Variants in SHISA9 observed in about 807,000 individuals in gnomAD.
SHISA9 encodes the protein protein shisa-9.
In SHISA9, 13 loss-of-function variants were observed where a neutral mutation model predicts 38.0. The observed-to-expected ratio is 0.34, with a 90% CI of 0.22 to 0.54. The LOEUF is 0.54. SHISA9 is among the 20% of genes least tolerant of loss of function. SHISA9 has a pLI of 0.91. For missense variants in SHISA9, 538 were observed against 575.8 expected, an observed-to-expected ratio of 0.93 and a Z score of 0.67; for synonymous variants, 275 against 242.0, an observed-to-expected ratio of 1.14 and a Z score of -1.27.
At chr16:13,298,170 A>G in the SHISA9 span, among the ~76,000 whole-genome samples, 1 of 152,136 alleles carries the variant, frequency 6.6e-6, no homozygotes. Flanking sequence ...TCAAATACAG[A>G]GATGCTCCCT....
chr16:13,365,454 C>CTTTTT, the SHISA9 span, among the ~76,000 whole-genome samples: 51 of 112,506 alleles, frequency 4.5e-4, 1 homozygote, highest in African/African-American at 1.6e-3. Flanking sequence ...GAGTATACCT[C>CTTTTT]TTTTTTTTTT....
chr16:12,916,486 G>C (rs1444693239), intron 1 of SHISA9, among the ~76,000 whole-genome samples: 1 of 152,182 alleles, frequency 6.6e-6, no homozygotes, highest in African/African-American at 2.4e-5. Context: ...AGCATATGCA[G>C]TAGCCTGCGT....
chr16:12,933,781 T>C (rs2141746745), intron 2 of SHISA9, among the ~76,000 whole-genome samples: 1 of 152,302 alleles, frequency 6.6e-6, no homozygotes, highest in Middle Eastern at 3.4e-3. Flanking sequence ...CTTTTTCTTG[T>C]GTTATCTAGT....
At chr16:13,028,736 C>A (rs2072955592) in intron 2 of SHISA9, among the ~76,000 whole-genome samples, 1 of 152,196 alleles carries the variant, frequency 6.6e-6, no homozygotes. Context: ...TGGAGAAGAG[C>A]TTCTTCCTAT....
the SHISA9 span, among the ~76,000 whole-genome samples, chr16:13,392,395 A>C: frequency 6.6e-6 from 1 of 152,190 alleles, no homozygotes; most frequent in South Asian, 2.1e-4. Context: ...TATATTGTAC[A>C]CCTTAAATAT....
At chr16:12,978,175 T>A (rs939929782) in intron 2 of SHISA9, among the ~76,000 whole-genome samples, 1 of 152,094 alleles carries the variant, frequency 6.6e-6, no homozygotes, top group Non-Finnish European at 1.5e-5. Flanking sequence ...AATGGAAACC[T>A]GAATTTGACC....
intron 2 of SHISA9, among the ~76,000 whole-genome samples, chr16:13,083,232 C>T (rs1191668566): frequency 6.6e-6 from 1 of 152,222 alleles, no homozygotes; most frequent in Non-Finnish European, 1.5e-5. Context: ...TGGATGGCTA[C>T]TCCAACAGGA....
Position 13,238,470 on chromosome 16 carries a change from TATCTC to T in SHISA9, c.*3063_*3067del, listed in dbSNP as rs921756269. On this transcript the variant is annotated 3_prime_UTR_variant, in exon 5 of 5. Coordinates refer to ENST00000558583, the MANE Select transcript of SHISA9 (RefSeq NM_001145204.3). ...CCCCCAGTCCACTTCGTCCCACCCTTATCTCAACTCTGATTAAGAGTCTTTCTTGG... is the reference window on the plus strand; with the variant it reads ...CCCCCAGTCCACTTCGTCCCACCCTTAACTCTGATTAAGAGTCTTTCTTGG... 1.3e-5 allele frequency: 2 copies of T among 152,194 alleles called. No individual in the cohort carries two copies. The highest frequency in any genetic ancestry group is 2.4e-5 in the African/African-American group (1 of 41,430). The allele number at this position is 152,194 out of a possible 1,614,324, so 9.4% of individuals were successfully genotyped here. A position where few individuals can be genotyped will look rare whatever the true frequency, so the allele number is the denominator to read the frequency against.
chr16:13,490,882 A>G, the SHISA9 span, among the ~76,000 whole-genome samples: 1 of 152,142 alleles, frequency 6.6e-6, no homozygotes, highest in Non-Finnish European at 1.5e-5. Context: ...GCTTTTCACT[A>G]TTTGGGAGAG....
At chr16:13,561,385 T>A in the SHISA9 span, among the ~76,000 whole-genome samples, 6 of 152,278 alleles carry the variant, frequency 3.9e-5, no homozygotes, top group East Asian at 1.2e-3. Flanking sequence ...TCCATTACAA[T>A]ACCCCAGAGA....
chr16:12,965,773 A>G (rs941270120), intron 2 of SHISA9, among the ~76,000 whole-genome samples: 1 of 152,228 alleles, frequency 6.6e-6, no homozygotes, highest in Non-Finnish European at 1.5e-5. Flanking sequence ...CCTCATGAAT[A>G]TAAAATGAGA....
At chr16:12,904,428 A>G (rs1309899586) in intron 1 of SHISA9, among the ~76,000 whole-genome samples, 1 of 152,134 alleles carries the variant, frequency 6.6e-6, no homozygotes, top group East Asian at 1.9e-4. Context: ...GGAGAAAGTG[A>G]TGCTAGATCA....
intron 4 of SHISA9, among the ~76,000 whole-genome samples, chr16:13,222,262 C>T (rs931655662): frequency 5.9e-5 from 9 of 152,130 alleles, no homozygotes; most frequent in African/African-American, 1.9e-4. Flanking sequence ...GGGGATACAG[C>T]CAAACCATAT....
At chr16:13,535,652 T>A in the SHISA9 span, among the ~76,000 whole-genome samples, 5 of 152,354 alleles carry the variant, frequency 3.3e-5, no homozygotes, top group East Asian at 9.6e-4. Context: ...AAAAGTTTGC[T>A]GCCCCCTGGT....
the SHISA9 span, among the ~76,000 whole-genome samples, chr16:13,407,621 A>G: frequency 3.9e-5 from 6 of 152,288 alleles, no homozygotes; most frequent in African/African-American, 1.4e-4. Flanking sequence ...TCATTCAGAT[A>G]TTCAGGGTAA....
At chr16:13,368,759 G>A in the SHISA9 span, among the ~76,000 whole-genome samples, 1 of 151,770 alleles carries the variant, frequency 6.6e-6, no homozygotes, top group Non-Finnish European at 1.5e-5. Flanking sequence ...AAACCCACTG[G>A]GATATGGAAA....
At chr16:13,409,717 A>T in the SHISA9 span, among the ~76,000 whole-genome samples, 1 of 152,254 alleles carries the variant, frequency 6.6e-6, no homozygotes, top group African/African-American at 2.4e-5. Context: ...CAGCCTCTGC[A>T]GCACCAACTA....
At chr16:13,264,473 G>T in the SHISA9 span, among the ~76,000 whole-genome samples, 4 of 152,082 alleles carry the variant, frequency 2.6e-5, no homozygotes, top group Non-Finnish European at 5.9e-5. Flanking sequence ...GTGCTGGCCT[G>T]TTTTAAATCT....
chr16:13,322,187 C>T, the SHISA9 span, among the ~76,000 whole-genome samples: 1 of 152,304 alleles, frequency 6.6e-6, no homozygotes, highest in East Asian at 1.9e-4. Context: ...TAACTGAGTT[C>T]AGCCAACCAG....
Sources: allele counts gnomAD v4.1 joint callset (sites outside exome capture counted in the v4.1 genomes callset), GRCh38; gene constraint gnomAD v4.1.1; transcripts MANE v1.5; gene names NCBI Gene and HGNC (gene_info 2026-07-23, HGNC 2026-07-21).